The following ZNF362 variants were observed in gnomAD, a reference collection of about 807,000 sequenced individuals.
The protein encoded by ZNF362 is zinc finger protein 362.
ZNF362 carries 11 observed loss-of-function variants against 42.9 expected under a neutral mutation model. The ratio of observed to expected loss-of-function variants is 0.26; its 90% CI spans 0.16 to 0.42. ZNF362 has a LOEUF of 0.42. Ranked by LOEUF, ZNF362 falls within the 20% of genes least tolerant of loss-of-function variation. The pLI, the probability that ZNF362 is intolerant of heterozygous loss-of-function variation, is 1.00. For missense variants in ZNF362, 362 were observed against 576.2 expected (o/e 0.63, Z 3.81); for synonymous variants, 255 against 257.3 (o/e 0.99, Z 0.09).
chr1:33,294,933 A>G lies in ZNF362; in HGVS notation c.909-4A>G. 5 of 1,613,956 alleles carry G rather than the reference A, an allele frequency of 3.1e-6. No homozygotes were observed. The highest frequency in any genetic ancestry group is 4.2e-6 in the Non-Finnish European group (5 of 1,179,956). ...CTTCGACCTTACTGGGCTGCCCATT[A>G]CAGAATCCACACAGGCGACAGACCC... On this transcript the variant is annotated splice_region_variant and splice_polypyrimidine_tract_variant and intron_variant, in intron 6 of 8. Coordinates refer to ENST00000539719, the MANE Select transcript of ZNF362 (RefSeq NM_152493.3). This position sits in a 1 kb window ranked among gnomAD's most constrained non-coding sequence, Gnocchi z 4.2.
the ZNF362 span, among the ~76,000 whole-genome samples, chr1:33,171,479 C>T: frequency 1.3e-5 from 2 of 152,106 alleles, no homozygotes; most frequent in Non-Finnish European, 2.9e-5. Flanking sequence ...TCAGTGGCTC[C>T]GAAAATCCAT....
the ZNF362 span, among the ~76,000 whole-genome samples, chr1:33,219,331 A>C: frequency 3.9e-5 from 6 of 152,154 alleles, no homozygotes; most frequent in Non-Finnish European, 7.4e-5. Context: ...CCCACTTCCC[A>C]ACCTCTGCCC....
the ZNF362 span, among the ~76,000 whole-genome samples, chr1:33,200,586 TTAAAAG>T: frequency 6.6e-6 from 1 of 151,966 alleles, no homozygotes; most frequent in Admixed American, 6.6e-5. Context: ...TACAAACAGG[TTAAAAG>T]TAAAAGGATG....
the ZNF362 span, among the ~76,000 whole-genome samples, chr1:33,168,108 T>C: frequency 6.6e-5 from 10 of 152,176 alleles, no homozygotes; most frequent in African/African-American, 2.4e-4. Flanking sequence ...CAGGGAAGGC[T>C]TCTCTGAGGA....
chr1:33,193,106 C>T, the ZNF362 span, among the ~76,000 whole-genome samples: 14 of 151,340 alleles, frequency 9.3e-5, no homozygotes, highest in South Asian at 4.2e-4. Flanking sequence ...TTATCTCTTA[C>T]GCTAAATAAA....
At chr1:33,198,374 G>T in the ZNF362 span, among the ~76,000 whole-genome samples, 1 of 152,098 alleles carries the variant, frequency 6.6e-6, no homozygotes. Context: ...AAAAAGAAGA[G>T]AAAAGTCAAA....
At chr1:33,291,389 A>G (rs1018063431) in intron 6 of ZNF362, among the ~76,000 whole-genome samples, 25 of 152,082 alleles carry the variant, frequency 1.6e-4, no homozygotes, top group African/African-American at 6.0e-4. Context: ...GTGTGGCATT[A>G]TTTCTGAGGG....
chr1:33,254,789 T>C (rs766505142), upstream of ZNF362, among the ~76,000 whole-genome samples: 1 of 152,140 alleles, frequency 6.6e-6, no homozygotes, highest in African/African-American at 2.4e-5. Flanking sequence ...TCCTAAAGAG[T>C]AGGGAGTGAT....
chr1:33,162,283 AACTCCACCTGCCT>A, the ZNF362 span, among the ~76,000 whole-genome samples: 1 of 152,154 alleles, frequency 6.6e-6, no homozygotes, highest in African/African-American at 2.4e-5. Flanking sequence ...ACTGCATTGC[AACTCCACCTGCCT>A]AGAATGACCC....
the ZNF362 span, among the ~76,000 whole-genome samples, chr1:33,251,199 G>A: frequency 6.6e-6 from 1 of 152,204 alleles, no homozygotes; most frequent in Admixed American, 6.5e-5. Context: ...CCAGGGTCAA[G>A]GTCCCATGGT....
intron 6 of ZNF362, among the ~76,000 whole-genome samples, chr1:33,282,555 C>T (rs915315199): frequency 7.9e-5 from 12 of 152,172 alleles, no homozygotes; most frequent in Non-Finnish European, 1.5e-4. Flanking sequence ...GGTGCGGTGG[C>T]TCACACCTGT....
chr1:33,190,989 G>A, the ZNF362 span, among the ~76,000 whole-genome samples: 7 of 152,178 alleles, frequency 4.6e-5, no homozygotes, highest in Admixed American at 1.3e-4. Context: ...CCTAGCACCA[G>A]TTTCCAACAC....
At chr1:33,143,086 C>G in the ZNF362 span, 131 of 152,352 alleles carry the variant, frequency 8.6e-4, no homozygotes, top group African/African-American at 2.8e-3. Flanking sequence ...TTTGTCCCCT[C>G]TCTTCACTTA....
intron 1 of ZNF362, among the ~76,000 whole-genome samples, chr1:33,260,516 G>A (rs757684473): frequency 3.4e-4 from 52 of 152,284 alleles, no homozygotes; most frequent in Middle Eastern, 3.4e-3. Flanking sequence ...CTCTAAAATA[G>A]CTTCCTACTC....
At chr1:33,257,018 TA>T (rs1327877727) in intron 1 of ZNF362, among the ~76,000 whole-genome samples, 1 of 152,090 alleles carries the variant, frequency 6.6e-6, no homozygotes, top group African/African-American at 2.4e-5. Context: ...ATAATGCAAA[TA>T]AACGGATTGC....
At position 33,299,050 on chromosome 1, in the gene ZNF362, C is replaced by T. The variant is rs746645839; in HGVS notation, c.*4C>T. ...GGTGCGAATCTCTCTCATCTGAGCC[C>T]ACTGGAGGCGCCGCCCCACCCGGCC... On this transcript the variant is annotated 3_prime_UTR_variant, in exon 9 of 9. Coordinates refer to ENST00000539719, the MANE Select transcript of ZNF362 (RefSeq NM_152493.3). The T allele has an allele frequency of 1.9e-6, 3 of 1,604,992 alleles. No homozygotes were observed. Among genetic ancestry groups the T allele is most frequent in the Non-Finnish European group, 2.5e-6 (3 of 1,178,800 alleles).
At chr1:33,204,387 A>G in the ZNF362 span, among the ~76,000 whole-genome samples, 1 of 152,136 alleles carries the variant, frequency 6.6e-6, no homozygotes, top group Non-Finnish European at 1.5e-5. Context: ...TTTATAATAT[A>G]ATTAAAAATC....
the ZNF362 span, among the ~76,000 whole-genome samples, chr1:33,205,734 T>C: frequency 6.6e-6 from 1 of 151,952 alleles, no homozygotes; most frequent in Non-Finnish European, 1.5e-5. Context: ...GCAAACATCA[T>C]GAAACCCTGT....
At chr1:33,203,259 CA>C in the ZNF362 span, among the ~76,000 whole-genome samples, 1 of 152,076 alleles carries the variant, frequency 6.6e-6, no homozygotes, top group Non-Finnish European at 1.5e-5. Flanking sequence ...TTTCATTTAG[CA>C]TAATGTCTTC....
Sources: allele counts gnomAD v4.1 joint callset (sites outside exome capture counted in the v4.1 genomes callset), GRCh38; gene constraint gnomAD v4.1.1; non-coding constraint Gnocchi (gnomAD v3.1); transcripts MANE v1.5; gene names NCBI Gene and HGNC (gene_info 2026-07-23, HGNC 2026-07-21).